The following HDAC9 variants were observed in gnomAD, a reference collection of about 807,000 sequenced individuals.
HDAC9 encodes the protein histone deacetylase 9, also known as MEF-2 interacting transcription repressor (MITR) protein.
HDAC9 carries 41 observed loss-of-function variants against 139.4 expected under a neutral mutation model. That is an observed-to-expected ratio of 0.29 (90% confidence interval 0.23 to 0.38). HDAC9 has a LOEUF of 0.38. Among genes scored for constraint, HDAC9 ranks in the 10% least tolerant of loss-of-function variants. The pLI is 1.00. For synonymous variants in HDAC9, 517 were observed against 476.2 expected (o/e 1.09, Z -1.12); for missense variants, 1,147 against 1,297.0 (o/e 0.88, Z 1.78).
intron 16 of HDAC9, among the ~76,000 whole-genome samples, chr7:18,790,542 G>T (rs1031962154): frequency 1.3e-5 from 2 of 152,076 alleles, no homozygotes; most frequent in African/African-American, 4.8e-5. Flanking sequence ...TTTTGTTTAA[G>T]CTACCTACCC....
chr7:18,504,982 C>A (rs569263186), intron 2 of HDAC9, among the ~76,000 whole-genome samples: 1 of 152,212 alleles, frequency 6.6e-6, no homozygotes, highest in Admixed American at 6.5e-5. Context: ...ACTTCTTAAT[C>A]CTGGGAGGTT....
intron 23 of HDAC9, among the ~76,000 whole-genome samples, chr7:18,953,636 A>G (rs541513850): frequency 6.6e-6 from 1 of 152,230 alleles, no homozygotes; most frequent in East Asian, 1.9e-4. Flanking sequence ...TTTCTCTACT[A>G]CTTTATTCAA....
In HDAC9 at chr7:18,585,473, A is replaced by C; in HGVS notation, c.215A>C (p.His72Pro). The C allele has an allele frequency of 6.2e-7, 1 of 1,613,974 alleles. No homozygotes were observed. The highest frequency in any genetic ancestry group is 8.5e-7 in the Non-Finnish European group (1 of 1,179,856). ...QLLIAEFQKQ[H>P]ENLTRQHQAQ... Reference sequence around the variant, plus strand: ...CTGATAGCAGAGTTTCAGAAACAGCATGAGAACTTGACACGGCAGCACCAG... The same window carrying C: ...CTGATAGCAGAGTTTCAGAAACAGCCTGAGAACTTGACACGGCAGCACCAG... Residue 72 changes from histidine to proline, a missense_variant, in exon 3 of 26, where the codon CAT (histidine) becomes CCT (proline). By Grantham distance (77) the His-to-Pro change is moderately conservative. Coordinates refer to ENST00000686413, the MANE Select transcript of HDAC9 (RefSeq NM_178425.4).
At position 18,905,956 on chromosome 7, in the gene HDAC9, ATTCC is replaced by A. The variant is rs1359661576; in HGVS notation, c.2804-29837_2804-29834del. Among the ~76,000 whole-genome samples the A allele has an allele frequency of 5.7e-4, 56 of 98,308 alleles. 1 individual carries two copies. The highest frequency in any genetic ancestry group is 8.9e-4 in the South Asian group (3 of 3,354). 64.5% of individuals were successfully genotyped at this position (98,308 alleles called of 152,430 possible). On this transcript the variant is annotated intron_variant, in intron 22 of 25. Transcript: ENST00000686413. The stretch of plus-strand genomic sequence containing the variant: ...TTTCTTTCTCCTCTTTCTTTCCTTC[ATTCC>A]TTCCTTCCTTCCTTCTCTCCTTCCT...
At chr7:18,345,533 T>G (rs956657281) in intron 1 of HDAC9, among the ~76,000 whole-genome samples, 2 of 150,350 alleles carry the variant, frequency 1.3e-5, no homozygotes, top group African/African-American at 4.9e-5. Context: ...GATTGTGTTC[T>G]CATAAGACAC....
At chr7:18,206,396 A>G (rs1791515489) in intron 2 of HDAC9, among the ~76,000 whole-genome samples, 1 of 152,230 alleles carries the variant, frequency 6.6e-6, no homozygotes, top group South Asian at 2.1e-4. Context: ...ACTGTATATT[A>G]TTTAAAAATA....
chr7:18,692,135 G>C (rs1782715909), intron 12 of HDAC9, among the ~76,000 whole-genome samples: 1 of 152,068 alleles, frequency 6.6e-6, no homozygotes, highest in Non-Finnish European at 1.5e-5. Context: ...CTACAGATTG[G>C]AAAGGAATGA....
intron 2 of HDAC9, among the ~76,000 whole-genome samples, chr7:18,568,184 C>A (rs368180343): frequency 1.2e-4 from 18 of 151,794 alleles, no homozygotes; most frequent in Admixed American, 1.1e-3. Flanking sequence ...GAAGGGTATA[C>A]AATCTCTGTC....
intron 6 of HDAC9, among the ~76,000 whole-genome samples, chr7:18,620,583 C>A (rs801530): frequency 0.021 from 3,173 of 151,292 alleles, 119 homozygotes; most frequent in African/African-American, 0.073. Flanking sequence ...TCATTCACTC[C>A]GTAAACTTTT....
intron 22 of HDAC9, among the ~76,000 whole-genome samples, chr7:18,876,207 A>G (rs1799309347): frequency 6.6e-6 from 1 of 152,206 alleles, no homozygotes; most frequent in Admixed American, 6.5e-5. Context: ...TTAGTAGAGT[A>G]TAATAGCATC....
chr7:18,704,911 G>T (rs1383280456), intron 12 of HDAC9, among the ~76,000 whole-genome samples: 1 of 152,096 alleles, frequency 6.6e-6, no homozygotes, highest in African/African-American at 2.4e-5. Context: ...ATAAGAAATG[G>T]AATATTTTGT....
intron 16 of HDAC9, among the ~76,000 whole-genome samples, chr7:18,788,049 G>A (rs1791970183): frequency 6.6e-6 from 1 of 152,146 alleles, no homozygotes; most frequent in East Asian, 1.9e-4. Flanking sequence ...TCCTCCTGCT[G>A]TCCTCTGAAC....
chr7:18,958,558 G>A lies in HDAC9; in HGVS notation c.3022+4328G>A, dbSNP rs746849091. Among the ~76,000 whole-genome samples the A allele has an allele frequency of 5.9e-5, 9 of 152,216 alleles. No homozygotes were observed. In the South Asian group the frequency reaches 1.0e-3, roughly 18 times the overall value. ...CCTACAAAAGGAAATTCTGCAATAC[G>A]TGGCAACTTAGCACAATCTTTTGAT... On this transcript the variant is annotated intron_variant, in intron 24 of 25. Coordinates refer to ENST00000686413, the MANE Select transcript of HDAC9 (RefSeq NM_178425.4).
intron 1 of HDAC9, among the ~76,000 whole-genome samples, chr7:18,442,284 T>G (rs1791856032): frequency 6.6e-6 from 1 of 152,208 alleles, no homozygotes; most frequent in African/African-American, 2.4e-5. Context: ...TTGGGAAGAC[T>G]TCTAATTTTT....
At chr7:18,126,026 G>A (rs1263384232) in intron 1 of HDAC9, among the ~76,000 whole-genome samples, 1 of 152,046 alleles carries the variant, frequency 6.6e-6, no homozygotes, top group East Asian at 1.9e-4. Flanking sequence ...TCTAGGAGAA[G>A]AAATCTGGTT....
intron 23 of HDAC9, among the ~76,000 whole-genome samples, chr7:18,953,690 TG>T (rs1408999242): frequency 6.6e-6 from 1 of 152,096 alleles, no homozygotes; most frequent in African/African-American, 2.4e-5. Flanking sequence ...CTTTCTATCG[TG>T]AAGTGTTCAA....
At chr7:18,713,715 C>G (rs1056539362) in intron 12 of HDAC9, among the ~76,000 whole-genome samples, 1 of 151,870 alleles carries the variant, frequency 6.6e-6, no homozygotes, top group Middle Eastern at 3.2e-3. Flanking sequence ...GCATAAGGAG[C>G]TAAATGATCA....
chr7:18,101,080 G>T (rs1013961006), intron 1 of HDAC9, among the ~76,000 whole-genome samples: 2 of 152,086 alleles, frequency 1.3e-5, no homozygotes, highest in Non-Finnish European at 2.9e-5. Context: ...CTAACTTTGG[G>T]TTGTTTTCTC....
intron 14 of HDAC9, among the ~76,000 whole-genome samples, chr7:18,760,141 G>A (rs751528367): frequency 6.6e-6 from 1 of 152,082 alleles, no homozygotes; most frequent in African/African-American, 2.4e-5. Flanking sequence ...GGAGGAGCTC[G>A]AAGCCCTCTT....
Sources: allele counts gnomAD v4.1 joint callset (sites outside exome capture counted in the v4.1 genomes callset), GRCh38; gene constraint gnomAD v4.1.1; transcripts MANE v1.5; gene names NCBI Gene and HGNC (gene_info 2026-07-23, HGNC 2026-07-21).